The following SMCHD1 variants were observed in gnomAD, a reference collection of about 807,000 sequenced individuals.
SMCHD1 encodes the protein structural maintenance of chromosomes flexible hinge domain-containing protein 1.
A neutral mutation model predicts 254.7 loss-of-function variants in SMCHD1; 78 were observed. The ratio of observed to expected loss-of-function variants is 0.31; its 90% CI spans 0.26 to 0.37. The LOEUF (loss-of-function observed/expected upper bound fraction) is 0.37. Ranked by LOEUF, SMCHD1 falls within the 10% of genes least tolerant of loss-of-function variation. SMCHD1 has a pLI of 1.00. For missense variants in SMCHD1, 1,840 were observed against 2,408.1 expected (o/e 0.76, Z 4.94); for synonymous variants, 766 against 794.9 (o/e 0.96, Z 0.61).
intron 3 of SMCHD1, among the ~76,000 whole-genome samples, chr18:2,672,530 A>G (rs145993490): frequency 6.6e-6 from 1 of 152,326 alleles, no homozygotes; most frequent in Non-Finnish European, 1.5e-5. Flanking sequence ...CCAGCGTGAA[A>G]TGCTACTTTG....
In SMCHD1 at chr18:2,754,842, T is replaced by C. The variant is rs557561652; in HGVS notation, c.4346+2290T>C. Among the ~76,000 whole-genome samples, 7 of 150,512 alleles carry C rather than the reference T, an allele frequency of 4.7e-5. No homozygotes were observed. The South Asian group carries it at 1.5e-3, about 32-fold the overall frequency. On this transcript the variant is annotated intron_variant, in intron 34 of 47. Transcript: ENST00000320876. ...TGGAATTGATTTTTTTTTTTTTTAA[T>C]GTATAGTGTGAGGCCAGGTGCGGTG...
At chr18:2,770,295 A>G (rs1420250226) in intron 39 of SMCHD1, among the ~76,000 whole-genome samples, 187 bp downstream of exon 39, 1 of 152,226 alleles carries the variant, frequency 6.6e-6, no homozygotes, top group African/African-American at 2.4e-5. Context: ...CTTATTTTAA[A>G]TAAATTTGTA....
intron 10 of SMCHD1, among the ~76,000 whole-genome samples, chr18:2,700,100 T>G (rs1197934986): frequency 6.6e-6 from 1 of 152,256 alleles, no homozygotes; most frequent in African/African-American, 2.4e-5. Flanking sequence ...ATTCACTAAT[T>G]TGTTCAAACT....
intron 1 of SMCHD1, among the ~76,000 whole-genome samples, chr18:2,662,777 G>A (rs545344008): frequency 6.6e-6 from 1 of 151,276 alleles, no homozygotes; most frequent in Admixed American, 6.6e-5. Context: ...AATCTATAAG[G>A]TCATTTTTGT....
chr18:2,700,953 C>G (rs750325754), intron 12 of SMCHD1, 35 bp downstream of exon 12: 1 of 1,415,346 alleles, frequency 7.1e-7, no homozygotes, highest in Non-Finnish European at 9.5e-7. Flanking sequence ...TGAATATTTG[C>G]AAATGTTTTA....
In SMCHD1 at chr18:2,784,413, A is replaced by C. The variant is rs199715816; in HGVS notation, c.5548-37A>C. On this transcript the variant is annotated intron_variant, in intron 44 of 47. Coordinates refer to ENST00000320876, the MANE Select transcript of SMCHD1 (RefSeq NM_015295.3). ...CTCCTTTTTTGGAGCAGTTGAAATA[A>C]GTTGCTCACTACTTACTATTCACTT... The C allele has an allele frequency of 4.2e-5, 64 of 1,508,216 alleles. No individual in the cohort carries two copies. In the East Asian group the frequency reaches 1.5e-3, roughly 36 times the overall value. The allele number at this position is 1,508,216 out of a possible 1,614,324, so 93.4% of individuals were successfully genotyped here. A position where few individuals can be genotyped will look rare whatever the true frequency, so the allele number is the denominator to read the frequency against.
chr18:2,709,757 TTTG>T (rs1483680227), intron 17 of SMCHD1, among the ~76,000 whole-genome samples: 1 of 152,204 alleles, frequency 6.6e-6, no homozygotes, highest in East Asian at 1.9e-4. Context: ...ATTTTTAAAT[TTTG>T]TTGTTGAGTT....
chr18:2,676,046 G>C (rs913531012), intron 5 of SMCHD1, among the ~76,000 whole-genome samples: 2 of 152,126 alleles, frequency 1.3e-5, no homozygotes, highest in Non-Finnish European at 2.9e-5. Flanking sequence ...ATCAATATCA[G>C]ATACACCCCT....
intron 1 of SMCHD1, among the ~76,000 whole-genome samples, chr18:2,662,216 G>T (rs1964432): frequency 0.47 from 50,207 of 107,734 alleles, 12,349 homozygotes; most frequent in African/African-American, 0.71. Context: ...AAGAAAGAAA[G>T]AAAGAAAGAA....
At chr18:2,792,612 A>G (rs533605974) in intron 45 of SMCHD1, among the ~76,000 whole-genome samples, 382 of 152,342 alleles carry the variant, frequency 2.5e-3, no homozygotes, top group African/African-American at 8.6e-3. Context: ...TCATGACATC[A>G]TCAAAAGTAT....
intron 23 of SMCHD1, 125 bp from the exon 24 acceptor site, chr18:2,729,150 C>G (rs774659189): frequency 2.1e-5 from 15 of 700,246 alleles, no homozygotes; most frequent in Non-Finnish European, 3.1e-5. Flanking sequence ...GTGACTTTTA[C>G]TTAGAATTTT....
chr18:2,750,728 T>TCC (rs2075555296), intron 32 of SMCHD1, among the ~76,000 whole-genome samples: 1 of 152,102 alleles, frequency 6.6e-6, no homozygotes, highest in Non-Finnish European at 1.5e-5. Flanking sequence ...AAAGGATGAA[T>TCC]CCCTATACAT....
chr18:2,688,136 G>C (rs559470822), intron 5 of SMCHD1, among the ~76,000 whole-genome samples: 7 of 152,340 alleles, frequency 4.6e-5, no homozygotes, highest in African/African-American at 1.4e-4. Flanking sequence ...TGTTTGCTGA[G>C]AGATTTTCTG....
rs146434802 is a variant in SMCHD1, at chr18:2,685,690, T to C, written c.639-2704T>C. Among the ~76,000 whole-genome samples, 321 of 152,306 alleles carry C rather than the reference T, an allele frequency of 2.1e-3. 1 individual carries two copies. Among genetic ancestry groups the C allele is most frequent in the African/African-American group, 7.1e-3 (297 of 41,578 alleles). ...ATTTACCTAATCAAGGTACCTTATT[T>C]AAGTGGAATTATACAGTATTTGTCA... On this transcript the variant is annotated intron_variant, in intron 5 of 47. Transcript: ENST00000320876.
chr18:2,737,457 A>G (rs2075272476), intron 25 of SMCHD1, among the ~76,000 whole-genome samples: 1 of 152,210 alleles, frequency 6.6e-6, no homozygotes, highest in Admixed American at 6.5e-5. Flanking sequence ...GTGGTGGCTC[A>G]CACATGTAAT....
Position 2,707,918 on chromosome 18 carries a change from A to G in SMCHD1, c.2258A>G (p.His753Arg). ...CTGGTTGAGCTCAAAGTTATTTTACATTGTAAGTATACAAACTAATTTAGA... is the reference window on the plus strand; with the variant it reads ...CTGGTTGAGCTCAAAGTTATTTTACGTTGTAAGTATACAAACTAATTTAGA... ...KLLVELKVILHSSSGNKEIIS... is the reference protein window; with the variant it reads ...KLLVELKVILRSSSGNKEIIS... The change falls in exon 17 of 48, where the codon CAT (histidine) becomes CGT (arginine). Residue 753 changes from histidine to arginine, a missense_variant and splice_region_variant. This residue lies in a region of SMCHD1 where 498 missense variants were observed against 743.5 expected (regional missense o/e 0.67). Coordinates refer to ENST00000320876, the MANE Select transcript of SMCHD1 (RefSeq NM_015295.3). 6.4e-7 allele frequency: 1 copy of G among 1,554,466 alleles called. No homozygotes were observed. The highest frequency in any genetic ancestry group is 8.8e-7 in the Non-Finnish European group (1 of 1,140,090).
intron 23 of SMCHD1, 36 bp from the exon 24 acceptor site, chr18:2,729,239 A>G: frequency 7.2e-7 from 1 of 1,389,338 alleles, no homozygotes. Flanking sequence ...AATATATTTA[A>G]TAGGGGTCTT....
At chr18:2,674,167 T>G in intron 5 of SMCHD1, 22 bp downstream of exon 5, 1 of 1,544,178 alleles carries the variant, frequency 6.5e-7, no homozygotes, top group Non-Finnish European at 8.7e-7. Context: ...TTACTTTTTT[T>G]TTTTTGTGGG....
chr18:2,764,934 G>T (rs191649648), intron 37 of SMCHD1, among the ~76,000 whole-genome samples: 1 of 152,112 alleles, frequency 6.6e-6, no homozygotes, highest in Non-Finnish European at 1.5e-5. Flanking sequence ...AAGCCTTTTG[G>T]TAGTTACTGC....
Sources: gnomAD v4.1 joint callset for allele counts (sites outside exome capture counted in the v4.1 genomes callset) on GRCh38, gnomAD v4.1.1 for gene constraint, gnomAD v4.1.1 regional missense constraint, MANE v1.5 for transcripts, NCBI Gene and HGNC (gene_info 2026-07-23, HGNC 2026-07-21) for gene names.